DYNC1I1: variants seen among roughly 807,000 people sequenced by gnomAD.
DYNC1I1 encodes the protein cytoplasmic dynein 1 intermediate chain 1.
In DYNC1I1, 43 loss-of-function variants were observed where a neutral mutation model predicts 86.6. The observed-to-expected ratio is 0.50, with a 90% confidence interval of 0.39 to 0.64. The LOEUF (loss-of-function observed/expected upper bound fraction) is 0.64, where lower values mean the gene tolerates loss of function less well. DYNC1I1 is among the 30% of genes least tolerant of loss of function. The pLI is 0.00. For missense variants in DYNC1I1, 604 were observed against 788.8 expected (o/e 0.77, Z 2.81); for synonymous variants, 262 against 283.7 (o/e 0.92, Z 0.77).
At chr7:96,023,893 G>A (rs192835863) in intron 10 of DYNC1I1, among the ~76,000 whole-genome samples, 2 of 152,162 alleles carry the variant, frequency 1.3e-5, no homozygotes, top group Non-Finnish European at 2.9e-5. Context: ...CTTGGTCTTC[G>A]AAATATAGTC....
chr7:96,006,700 T>C (rs1794151281), intron 10 of DYNC1I1, among the ~76,000 whole-genome samples: 1 of 152,174 alleles, frequency 6.6e-6, no homozygotes, highest in Non-Finnish European at 1.5e-5. Context: ...ATGATTCTTT[T>C]TGAAAAACAA....
At chr7:95,841,637 A>G (rs1789285115) in intron 5 of DYNC1I1, among the ~76,000 whole-genome samples, 1 of 152,180 alleles carries the variant, frequency 6.6e-6, no homozygotes, top group African/African-American at 2.4e-5. Flanking sequence ...TTCCAGGAAG[A>G]AGCTAAAGGT....
At chr7:95,879,220 T>C (rs1191285491) in intron 6 of DYNC1I1, among the ~76,000 whole-genome samples, 2 of 152,234 alleles carry the variant, frequency 1.3e-5, no homozygotes, top group Admixed American at 6.5e-5. Flanking sequence ...CTTTTTTCTT[T>C]TCCTTCTCTT....
At chr7:95,940,923 A>G (rs998536054) in intron 6 of DYNC1I1, among the ~76,000 whole-genome samples, 2 of 151,910 alleles carry the variant, frequency 1.3e-5, no homozygotes, top group Admixed American at 6.6e-5. Flanking sequence ...CCCCATCTTC[A>G]TGGTTTTATC....
At chr7:95,836,715 A>G (rs892637547) in intron 5 of DYNC1I1, among the ~76,000 whole-genome samples, 447 of 151,674 alleles carry the variant, frequency 2.9e-3, no homozygotes, top group African/African-American at 0.01. Context: ...CATTTCATTC[A>G]TTTCATCTTC....
intron 16 of DYNC1I1, among the ~76,000 whole-genome samples, chr7:96,090,256 GTT>G (rs75068125): frequency 5.9e-5 from 9 of 151,594 alleles, no homozygotes; most frequent in African/African-American, 2.2e-4. Flanking sequence ...TGTTGTTGTT[GTT>G]TTGTTGTTGT....
At chr7:95,817,337 C>T (rs995541759) in intron 4 of DYNC1I1, among the ~76,000 whole-genome samples, 1 of 151,982 alleles carries the variant, frequency 6.6e-6, no homozygotes, top group African/African-American at 2.4e-5. Flanking sequence ...TGTTTTGCTA[C>T]AGTGCTAGGT....
At chr7:95,941,491 C>A (rs1210783105) in intron 6 of DYNC1I1, among the ~76,000 whole-genome samples, 1 of 152,178 alleles carries the variant, frequency 6.6e-6, no homozygotes, top group Non-Finnish European at 1.5e-5. Flanking sequence ...TTTACCTAAG[C>A]AAGCCTGGGC....
chr7:95,863,688 TG>T (rs1361267787), intron 5 of DYNC1I1, among the ~76,000 whole-genome samples: 1 of 152,180 alleles, frequency 6.6e-6, no homozygotes. Flanking sequence ...TGAAATCTAG[TG>T]GGTTTTCTTT....
chr7:95,868,232 G>A (rs1470139399), intron 5 of DYNC1I1, among the ~76,000 whole-genome samples: 1 of 152,194 alleles, frequency 6.6e-6, no homozygotes, highest in Non-Finnish European at 1.5e-5. Flanking sequence ...GACAGCCAGC[G>A]AGGCTTGTCC....
intron 16 of DYNC1I1, among the ~76,000 whole-genome samples, chr7:96,092,946 TTGCCCCA>T (rs1790890871): frequency 6.6e-6 from 1 of 152,144 alleles, no homozygotes; most frequent in Non-Finnish European, 1.5e-5. Flanking sequence ...TGAGTCTTGA[TTGCCCCA>T]CACTAACAGG....
intron 10 of DYNC1I1, among the ~76,000 whole-genome samples, chr7:96,012,076 A>G (rs1417469052): frequency 6.6e-6 from 1 of 152,192 alleles, no homozygotes; most frequent in Non-Finnish European, 1.5e-5. Context: ...GGTTGGGGAC[A>G]GTGGCAGGAA....
intron 6 of DYNC1I1, 125 bp from the exon 7 acceptor site, chr7:95,977,387 C>G: frequency 1.4e-6 from 1 of 701,784 alleles, no homozygotes; most frequent in Non-Finnish European, 2.3e-6. Flanking sequence ...TCATTGTGGA[C>G]TGATTTACTT....
chr7:96,030,045 C>A (rs965729704), intron 11 of DYNC1I1, among the ~76,000 whole-genome samples: 2 of 150,852 alleles, frequency 1.3e-5, no homozygotes, highest in Admixed American at 1.3e-4. Context: ...TTTCTCTAAT[C>A]TATAGCTAAA....
chr7:95,994,504 G>A (rs1485204238), intron 9 of DYNC1I1, among the ~76,000 whole-genome samples: 2 of 152,144 alleles, frequency 1.3e-5, no homozygotes, highest in African/African-American at 4.8e-5. Context: ...CAACACCAAA[G>A]GGTCATCCCA....
intron 6 of DYNC1I1, among the ~76,000 whole-genome samples, chr7:95,921,764 T>G (rs1158781965): frequency 6.6e-6 from 1 of 152,218 alleles, no homozygotes; most frequent in Non-Finnish European, 1.5e-5. Context: ...TTAAAATGAC[T>G]GCTGTGCAAT....
chr7:95,943,243 A>C (rs1792291106), intron 6 of DYNC1I1, among the ~76,000 whole-genome samples: 1 of 151,890 alleles, frequency 6.6e-6, no homozygotes. Flanking sequence ...ACAAACAGAG[A>C]GCCAAATCAT....
chr7:95,780,434 ATTT>A (rs34375387), intron 1 of DYNC1I1, among the ~76,000 whole-genome samples: 3 of 129,774 alleles, frequency 2.3e-5, no homozygotes, highest in Non-Finnish European at 3.2e-5. Flanking sequence ...CACCCGGCTA[ATTT>A]TTTTTTTTTT....
At chr7:96,102,340 A>G (rs1361057742), downstream of DYNC1I1, among the ~76,000 whole-genome samples, 3 of 152,212 alleles carry the variant, frequency 2.0e-5, no homozygotes, top group Non-Finnish European at 4.4e-5. Flanking sequence ...ATAAGCAAGA[A>G]TTAACTAATG....
Sources: gnomAD v4.1 joint callset for allele counts (sites outside exome capture counted in the v4.1 genomes callset) on GRCh38, gnomAD v4.1.1 for gene constraint, MANE v1.5 for transcripts, NCBI Gene and HGNC (gene_info 2026-07-23, HGNC 2026-07-21) for gene names.